ADAMTS18: variants seen among roughly 807,000 people sequenced by gnomAD.
The protein encoded by ADAMTS18 is ADAM metallopeptidase with thrombospondin type 1 motif 18, also known as A disintegrin and metalloproteinase with thrombospondin motifs 18.
In ADAMTS18, 157 loss-of-function variants were observed where a neutral mutation model predicts 165.9. The observed-to-expected ratio is 0.95, with a 90% CI of 0.83 to 1.08. ADAMTS18 has a LOEUF of 1.08. ADAMTS18 is among the 50% of genes least tolerant of loss of function. ADAMTS18 has a pLI of 0.00. For missense variants in ADAMTS18, 2,040 were observed against 1,534.0 expected (o/e 1.33, Z -5.51); for synonymous variants, 782 against 578.2 (o/e 1.35, Z -5.06).
chr16:77,352,225 G>C (rs1407658920), intron 10 of ADAMTS18, among the ~76,000 whole-genome samples: 1 of 152,120 alleles, frequency 6.6e-6, no homozygotes, highest in Non-Finnish European at 1.5e-5. Flanking sequence ...CTTCGGACTG[G>C]AGTTATGTTT....
At position 77,364,357 on chromosome 16, in the gene ADAMTS18, T is replaced by A. The variant is rs930930639; in HGVS notation, c.803A>T (p.Asp268Val). The A allele has an allele frequency of 6.2e-7, 1 of 1,613,766 alleles. No individual in the cohort carries two copies. The highest frequency in any genetic ancestry group is 8.5e-7 in the Non-Finnish European group (1 of 1,179,974). Residue 268 changes from aspartate to valine, a missense_variant, in exon 5 of 23, where the codon GAC (aspartate) becomes GTC (valine). Physicochemically the swap from Asp to Val is radical, Grantham distance 152. Transcript: ENST00000282849. ...ATATTCATCAAACCTTAGATAGGTG[T>A]CCTCTGTGGGAGGCTTGGGAGCATC... is the stretch of plus-strand genomic sequence containing the variant. ...KKYAPKPPTE[D>V]TYLRFDEYGS...
At chr16:77,321,283 T>C in intron 14 of ADAMTS18, 81 bp from the exon 15 acceptor site, 1 of 1,566,236 alleles carries the variant, frequency 6.4e-7, no homozygotes, top group Non-Finnish European at 8.8e-7. Context: ...TATATGGTTC[T>C]CTGTATTTAC....
At position 77,283,873 on chromosome 16, in the gene ADAMTS18, G is replaced by C. The variant is rs2055195939; in HGVS notation, c.*83C>G. 3 of 1,080,048 alleles carry C rather than the reference G, an allele frequency of 2.8e-6. No individual in the cohort carries two copies. The East Asian group carries it at 7.2e-5, about 26-fold the overall frequency. 66.9% of individuals were successfully genotyped at this position (1,080,048 alleles called of 1,614,324 possible). A position where few individuals can be genotyped will look rare whatever the true frequency, so the allele number is the denominator to read the frequency against. Reference sequence around the variant, plus strand: ...GCTCACAGATGGTTCTCGGTGCTCAGCTCCTGGTCTCAAAGGCAGCTGGTC... The same window carrying C: ...GCTCACAGATGGTTCTCGGTGCTCACCTCCTGGTCTCAAAGGCAGCTGGTC... On this transcript the variant is annotated 3_prime_UTR_variant, in exon 23 of 23. Transcript: ENST00000282849.
intron 22 of ADAMTS18, among the ~76,000 whole-genome samples, chr16:77,288,890 G>C (rs2055307235): frequency 6.6e-6 from 1 of 152,148 alleles, no homozygotes; most frequent in South Asian, 2.1e-4. Context: ...TTCGAGATCA[G>C]CCTGGCCAAC....
chr16:77,352,219 G>A (rs181058605), intron 10 of ADAMTS18, among the ~76,000 whole-genome samples: 15 of 152,058 alleles, frequency 9.9e-5, no homozygotes, highest in East Asian at 7.7e-4. Flanking sequence ...TTATTTCTTC[G>A]GACTGGAGTT....
At chr16:77,311,982 C>G (rs937807960) in intron 16 of ADAMTS18, among the ~76,000 whole-genome samples, 1 of 152,076 alleles carries the variant, frequency 6.6e-6, no homozygotes, top group African/African-American at 2.4e-5. Context: ...AGTTCTTATT[C>G]TTTTATGTAG....
At chr16:77,372,173 G>A (rs1170716349) in intron 3 of ADAMTS18, among the ~76,000 whole-genome samples, 2 of 152,148 alleles carry the variant, frequency 1.3e-5, no homozygotes, top group African/African-American at 4.8e-5. Context: ...GGGCAGGAAT[G>A]TAAATTAGTA....
intron 3 of ADAMTS18, among the ~76,000 whole-genome samples, chr16:77,401,565 C>A (rs562138683): frequency 2.6e-5 from 4 of 152,312 alleles, no homozygotes; most frequent in South Asian, 4.2e-4. Flanking sequence ...TCCATCTCTA[C>A]ACTAGAATTG....
intron 3 of ADAMTS18, among the ~76,000 whole-genome samples, chr16:77,416,525 G>A (rs1346944883): frequency 1.3e-5 from 2 of 152,158 alleles, no homozygotes; most frequent in African/African-American, 4.8e-5. Context: ...TTTTATAAAT[G>A]GGAGTTCCCC....
intron 3 of ADAMTS18, among the ~76,000 whole-genome samples, chr16:77,369,191 A>G (rs2056841920): frequency 6.6e-6 from 1 of 152,174 alleles, no homozygotes; most frequent in East Asian, 1.9e-4. Context: ...TTTCTGTGGT[A>G]TCAGTTATGT....
chr16:77,300,117 A>G, intron 17 of ADAMTS18, 146 bp downstream of exon 17: 4 of 930,526 alleles, frequency 4.3e-6, no homozygotes, highest in Non-Finnish European at 6.6e-6. Flanking sequence ...AACTAATGCC[A>G]TAATATTTGC....
At chr16:77,301,082 T>C (rs1483597242) in intron 16 of ADAMTS18, among the ~76,000 whole-genome samples, 2 of 152,180 alleles carry the variant, frequency 1.3e-5, no homozygotes, top group Non-Finnish European at 2.9e-5. Flanking sequence ...GCAATTGGAA[T>C]ACATGCATTA....
At chr16:77,359,533 G>A in intron 7 of ADAMTS18, 110 bp from the exon 8 acceptor site, 1 of 798,278 alleles carries the variant, frequency 1.3e-6, no homozygotes, top group East Asian at 2.8e-5. Flanking sequence ...ATAGATCAAT[G>A]CATTCAGTGT....
intron 3 of ADAMTS18, among the ~76,000 whole-genome samples, chr16:77,431,071 C>T (rs2057733122): frequency 6.6e-6 from 1 of 152,186 alleles, no homozygotes; most frequent in Non-Finnish European, 1.5e-5. Context: ...AGTCCCAGAC[C>T]ATTAAACATC....
chr16:77,299,461 TTTTCTGTATCTTTGCTCTG>T (rs1555509493), intron 17 of ADAMTS18, among the ~76,000 whole-genome samples: 1 of 152,206 alleles, frequency 6.6e-6, no homozygotes, highest in Non-Finnish European at 1.5e-5. Flanking sequence ...AATTTCTTCA[TTTTCTGTATCTTTGCTCTG>T]TCTCTGATTC....
intron 3 of ADAMTS18, among the ~76,000 whole-genome samples, chr16:77,375,242 G>A (rs115792110): frequency 1.9e-4 from 29 of 152,034 alleles, no homozygotes; most frequent in Non-Finnish European, 3.7e-4. Context: ...GGCTGATCCC[G>A]AACTCCTGAC....
Position 77,283,961 on chromosome 16 carries a change from T to C in ADAMTS18, c.3661A>G (p.Ile1221Val), listed in dbSNP as rs1185678352. ...TGCTGGGGAGGACACCAAGATCAGA[T>C]CTTCCTTGTGCATGACTTGCAGCAT... is the stretch of plus-strand genomic sequence containing the variant. The part of the protein sequence containing the change: ...KQCCKSCTRK[I>V] The change falls in exon 23 of 23, where the codon ATC (isoleucine) becomes GTC (valine). Residue 1221 changes from isoleucine to valine, a missense_variant. Ile to Val is a conservative substitution (Grantham distance 29, BLOSUM62 3). Transcript: ENST00000282849. The C allele has an allele frequency of 6.2e-7, 1 of 1,613,352 alleles. No individual in the cohort carries two copies. Among genetic ancestry groups the C allele is most frequent in the East Asian group, 2.2e-5 (1 of 44,842 alleles).
In ADAMTS18 at chr16:77,413,041, A is replaced by G. The variant is rs111330608; in HGVS notation, c.495+18254T>C. On this transcript the variant is annotated intron_variant, in intron 3 of 22. Transcript: ENST00000282849. ...CACACTCACACACACATATACATTT[A>G]TATGTATAAAAAAAAACTTGTTGGT... Among the ~76,000 whole-genome samples the G allele has an allele frequency of 5.9e-3, 896 of 152,176 alleles. 4 individuals carry two copies. Among genetic ancestry groups the G allele is most frequent in the Non-Finnish European group, 9.7e-3 (663 of 68,008 alleles).
chr16:77,423,281 T>C (rs146174061), intron 3 of ADAMTS18, among the ~76,000 whole-genome samples: 2 of 152,360 alleles, frequency 1.3e-5, no homozygotes, highest in East Asian at 1.9e-4. Context: ...TTAACTGTTA[T>C]GTTTTTATCT....
Sources: gnomAD v4.1 joint callset for allele counts (sites outside exome capture counted in the v4.1 genomes callset) on GRCh38, gnomAD v4.1.1 for gene constraint, MANE v1.5 for transcripts, NCBI Gene and HGNC (gene_info 2026-07-23, HGNC 2026-07-21) for gene names.